Variants in SLC4A4 observed in about 807,000 individuals in gnomAD.
The protein encoded by SLC4A4 is solute carrier family 4 member 4.
In SLC4A4, 27 loss-of-function variants were observed where a neutral mutation model predicts 111.5. The observed-to-expected ratio is 0.24, with a 90% CI of 0.18 to 0.33. The LOEUF is 0.33. Among genes scored for constraint, SLC4A4 ranks in the 10% least tolerant of loss-of-function variants. The pLI, the probability that SLC4A4 is intolerant of heterozygous loss-of-function variation, is 1.00. For synonymous variants in SLC4A4, 443 were observed against 463.4 expected, an observed-to-expected ratio of 0.96 and a Z score of 0.57; for missense variants, 909 against 1,315.5, an observed-to-expected ratio of 0.69 and a Z score of 4.78.
intron 3 of SLC4A4, among the ~76,000 whole-genome samples, chr4:71,306,107 A>C (rs1725663398): frequency 6.6e-6 from 1 of 152,164 alleles, no homozygotes; most frequent in Admixed American, 6.5e-5. Flanking sequence ...CTACCTCTTT[A>C]GGGAGCTCCA....
intron 6 of SLC4A4, among the ~76,000 whole-genome samples, chr4:71,361,206 G>A (rs918411391): frequency 2.0e-5 from 3 of 152,106 alleles, no homozygotes; most frequent in Non-Finnish European, 4.4e-5. Flanking sequence ...GCACGCACAC[G>A]TTCATGTATA....
chr4:71,129,587 C>A (rs889965768), intron 2 of SLC4A4, among the ~76,000 whole-genome samples: 3 of 152,008 alleles, frequency 2.0e-5, no homozygotes, highest in African/African-American at 7.2e-5. Context: ...AATGGCATTA[C>A]CATTCGACCC....
At chr4:71,223,280 A>G (rs2149024616) in intron 1 of SLC4A4, among the ~76,000 whole-genome samples, 1 of 150,604 alleles carries the variant, frequency 6.6e-6, no homozygotes, top group South Asian at 2.1e-4. Context: ...GGTTCAGGCC[A>G]TTCTCCTGCC....
chr4:71,239,998 C>A (rs1462748704), intron 2 of SLC4A4, among the ~76,000 whole-genome samples: 1 of 152,112 alleles, frequency 6.6e-6, no homozygotes, highest in Non-Finnish European at 1.5e-5. Context: ...TTAACATTAC[C>A]AGAATGATCC....
At chr4:71,165,964 G>GAT (rs1465663196) in intron 2 of SLC4A4, among the ~76,000 whole-genome samples, 1 of 152,064 alleles carries the variant, frequency 6.6e-6, no homozygotes, top group African/African-American at 2.4e-5. Context: ...TACCAATATT[G>GAT]GTATTATCCA....
rs538565258 is a variant in SLC4A4 at position 71,268,718 on chromosome 4, G to A, written c.253+13319G>A. On this transcript the variant is annotated intron_variant, in intron 3 of 25. Coordinates refer to ENST00000264485, the MANE Select transcript of SLC4A4 (RefSeq NM_001098484.3). ...TGACTGTAATAAAATGTTTCTCAGAGCACTTTTTATGTTTTCACACTTTGC... is the reference window on the plus strand; with the variant it reads ...TGACTGTAATAAAATGTTTCTCAGAACACTTTTTATGTTTTCACACTTTGC... 1.1e-4 allele frequency among the ~76,000 whole-genome samples: 16 copies of A among 152,284 alleles called. 1 individual carries two copies. Among genetic ancestry groups the A allele is most frequent in the African/African-American group, 3.9e-4 (16 of 41,558 alleles).
At chr4:71,300,860 C>G in intron 3 of SLC4A4, 1 of 479,036 alleles carries the variant, frequency 2.1e-6, no homozygotes, top group Admixed American at 2.1e-5. Flanking sequence ...TGGAACAGGG[C>G]CCGCTTCCAA....
intron 14 of SLC4A4, among the ~76,000 whole-genome samples, chr4:71,478,867 A>G (rs1728616225): frequency 6.6e-6 from 1 of 151,794 alleles, no homozygotes; most frequent in African/African-American, 2.4e-5. Context: ...AATGAACAAA[A>G]GTGAGAGTTT....
intron 18 of SLC4A4, among the ~76,000 whole-genome samples, chr4:71,537,754 C>T (rs1200993492): frequency 6.6e-6 from 1 of 151,570 alleles, no homozygotes; most frequent in Non-Finnish European, 1.5e-5. Context: ...AGAGTGTACT[C>T]GTTTTATTTT....
Position 71,534,346 on chromosome 4 carries a change from A to G in SLC4A4, c.2400A>G (p.Gln800=), listed in dbSNP as rs745976412. ...LVTILIFMDQ[Q]ITAVIVNRKE... is the part of the protein sequence containing the mutation. ...CTATACTGATTTTCATGGACCAACA[A>G]ATTACAGCTGTGATTGTAAACAGGA... is the stretch of plus-strand genomic sequence containing the variant. The change falls in exon 18 of 26, where the codon CAA becomes CAG. Residue 800 remains glutamine (Q), a synonymous_variant. Coordinates refer to ENST00000264485, the MANE Select transcript of SLC4A4 (RefSeq NM_001098484.3). The G allele has an allele frequency of 6.2e-7, 1 of 1,613,748 alleles. No individual in the cohort carries two copies. The highest frequency in any genetic ancestry group is 8.5e-7 in the Non-Finnish European group (1 of 1,179,764).
intron 6 of SLC4A4, among the ~76,000 whole-genome samples, chr4:71,384,072 G>T (rs1718424434): frequency 6.6e-6 from 1 of 152,162 alleles, no homozygotes; most frequent in Non-Finnish European, 1.5e-5. Context: ...AGTTCAGCTT[G>T]GGCTTTTCAA....
At chr4:71,494,617 T>G (rs930308296) in intron 15 of SLC4A4, among the ~76,000 whole-genome samples, 6 of 152,024 alleles carry the variant, frequency 3.9e-5, no homozygotes, top group African/African-American at 1.4e-4. Flanking sequence ...GCCAGTACTG[T>G]CTTGTTCTTA....
intron 20 of SLC4A4, among the ~76,000 whole-genome samples, chr4:71,551,650 T>C (rs1197275737): frequency 1.3e-5 from 2 of 151,854 alleles, no homozygotes; most frequent in Non-Finnish European, 2.9e-5. Flanking sequence ...ACCCTCAGGG[T>C]TTACAACCAT....
At chr4:71,505,146 T>A (rs1216385955) in intron 16 of SLC4A4, among the ~76,000 whole-genome samples, 1 of 152,182 alleles carries the variant, frequency 6.6e-6, no homozygotes, top group East Asian at 1.9e-4. Context: ...GGCTTTTAGG[T>A]TGATTCCATG....
chr4:71,275,253 A>G lies in SLC4A4; in HGVS notation c.253+19854A>G, dbSNP rs573504002. The stretch of plus-strand genomic sequence containing the variant: ...GTCAGCAGAGTGAAACTATGAATGA[A>G]TCAAATGAATAGGGAAGATAAGTCT... On this transcript the variant is annotated intron_variant, in intron 3 of 25. Transcript: ENST00000264485. Among the ~76,000 whole-genome samples, 3 of 152,342 alleles carry G rather than the reference A, an allele frequency of 2.0e-5. No individual in the cohort carries two copies. The South Asian group carries it at 6.2e-4, about 32-fold the overall frequency.
intron 6 of SLC4A4, among the ~76,000 whole-genome samples, chr4:71,390,546 A>G (rs910369297): frequency 6.6e-6 from 1 of 152,160 alleles, no homozygotes; most frequent in Admixed American, 6.5e-5. Flanking sequence ...GCTAAGTTCA[A>G]TATTTCCCCC....
intron 2 of SLC4A4, among the ~76,000 whole-genome samples, chr4:71,105,779 G>C (rs1742898291): frequency 8.2e-6 from 1 of 122,102 alleles, no homozygotes; most frequent in Non-Finnish European, 1.7e-5. Context: ...ATTCAAGATG[G>C]ATTAAAGACT....
chr4:71,120,401 G>C (rs1427190731), intron 2 of SLC4A4, among the ~76,000 whole-genome samples: 1 of 152,138 alleles, frequency 6.6e-6, no homozygotes, highest in East Asian at 1.9e-4. Flanking sequence ...GCTTTTCCTA[G>C]TAGAATCTCC....
At chr4:71,481,102 CA>C (rs757717686) in intron 14 of SLC4A4, among the ~76,000 whole-genome samples, 19 of 151,670 alleles carry the variant, frequency 1.3e-4, no homozygotes, top group Non-Finnish European at 2.8e-4. Flanking sequence ...TCCAGTTTTA[CA>C]AATGAGGAAC....
Sources: allele counts gnomAD v4.1 joint callset (sites outside exome capture counted in the v4.1 genomes callset), GRCh38; gene constraint gnomAD v4.1.1; transcripts MANE v1.5; gene names NCBI Gene and HGNC (gene_info 2026-07-23, HGNC 2026-07-21).